ARHGAP17: variants seen among roughly 807,000 people sequenced by gnomAD.
The protein encoded by ARHGAP17 is rho GTPase-activating protein 17.
ARHGAP17 carries 57 observed loss-of-function variants against 99.5 expected under a neutral mutation model. The ratio of observed to expected loss-of-function variants is 0.57; its 90% CI spans 0.46 to 0.71. The LOEUF is 0.71. Among genes scored for constraint, ARHGAP17 ranks in the 30% least tolerant of loss-of-function variants. ARHGAP17 has a pLI of 0.00. For missense variants in ARHGAP17, 1,000 were observed against 1,122.4 expected (o/e 0.89, Z 1.56); for synonymous variants, 417 against 429.6 (o/e 0.97, Z 0.36).
At chr16:24,966,114 T>C (rs185277605) in intron 6 of ARHGAP17, among the ~76,000 whole-genome samples, 2 of 152,364 alleles carry the variant, frequency 1.3e-5, no homozygotes, top group East Asian at 3.9e-4. Context: ...ATTTGCTGCC[T>C]TGTTTAATTA....
intron 19 of ARHGAP17, among the ~76,000 whole-genome samples, chr16:24,924,304 T>C (rs1450849604): frequency 6.6e-6 from 1 of 152,172 alleles, no homozygotes; most frequent in Non-Finnish European, 1.5e-5. Flanking sequence ...AATTTATATA[T>C]TATTTGCATT....
intron 19 of ARHGAP17, among the ~76,000 whole-genome samples, chr16:24,921,957 T>C (rs551828685): frequency 1.1e-3 from 175 of 152,332 alleles, no homozygotes; most frequent in Admixed American, 2.9e-3. Context: ...TTGTTCACAG[T>C]GTATCCTCAG....
chr16:24,933,538 C>T (rs1472325183), intron 18 of ARHGAP17, among the ~76,000 whole-genome samples: 1 of 151,766 alleles, frequency 6.6e-6, no homozygotes, highest in Admixed American at 6.6e-5. Flanking sequence ...TACTCTGCTA[C>T]ACTGGTCTGG....
At position 24,931,020 on chromosome 16, in the gene ARHGAP17, G is replaced by C; in HGVS notation, c.2279C>G (p.Pro760Arg). The change falls in exon 19 of 20, where the codon CCC (proline) becomes CGC (arginine). Residue 760 changes from proline to arginine, a missense_variant. Pro to Arg is a moderately radical substitution (Grantham distance 103). Transcript: ENST00000289968. Reference sequence around the variant, plus strand: ...TTTTCCTAGGGGCGGAGTACTGGGGGGCGTTGGAGTCTGGGGAGGGGTGTG... The same window carrying C: ...TTTTCCTAGGGGCGGAGTACTGGGGCGCGTTGGAGTCTGGGGAGGGGTGTG... ...PSHTPPQTPT[P>R]PSTPPLGKQN... The C allele has an allele frequency of 6.2e-7, 1 of 1,612,882 alleles. No homozygotes were observed. The highest frequency in any genetic ancestry group is 8.5e-7 in the Non-Finnish European group (1 of 1,179,406).
rs973719182 is a variant in ARHGAP17, at chr16:24,919,850, TAC to T, written c.*278_*279del. On this transcript the variant is annotated 3_prime_UTR_variant, in exon 20 of 20. Coordinates refer to ENST00000289968, the MANE Select transcript of ARHGAP17 (RefSeq NM_001006634.3). ...CTTCCTATGCGCGTTTCAGCAGGAA[TAC>T]TCTCTCCACTCCAGGTACTTCTTTG... 5 of 291,574 alleles carry T rather than the reference TAC, an allele frequency of 1.7e-5. No individual in the cohort carries two copies. The highest frequency in any genetic ancestry group is 9.7e-5 in the Admixed American group (2 of 20,702). The allele number at this position is 291,574 out of a possible 1,614,324, so 18.1% of individuals were successfully genotyped here. A position where few individuals can be genotyped will look rare whatever the true frequency, so the allele number is the denominator to read the frequency against.
intron 3 of ARHGAP17, among the ~76,000 whole-genome samples, chr16:24,976,621 C>T (rs1445837649): frequency 2.6e-5 from 4 of 151,658 alleles, no homozygotes; most frequent in Admixed American, 6.6e-5. Flanking sequence ...GAAAAAGAGG[C>T]GAGAGGGGAG....
chr16:24,985,091 G>A (rs1597456563), intron 1 of ARHGAP17, among the ~76,000 whole-genome samples: 1 of 152,196 alleles, frequency 6.6e-6, no homozygotes, highest in East Asian at 1.9e-4. Context: ...AGGACATTTG[G>A]CAATGTCTGG....
chr16:24,928,864 A>C (rs891440217), intron 19 of ARHGAP17, among the ~76,000 whole-genome samples: 1 of 152,272 alleles, frequency 6.6e-6, no homozygotes, highest in Non-Finnish European at 1.5e-5. Flanking sequence ...GCTAGGATGC[A>C]AAGGAATTTA....
rs553914661 is a variant in ARHGAP17, at chr16:25,013,484, G to A, written c.53+1725C>T. Among the ~76,000 whole-genome samples the A allele has an allele frequency of 1.2e-4, 18 of 152,248 alleles. No homozygotes were observed. In the South Asian group the frequency reaches 1.2e-3, roughly 11 times the overall value. On this transcript the variant is annotated intron_variant, in intron 1 of 19. Transcript: ENST00000289968. ...AAAAAATACAAAAATTAGCGGATGT[G>A]GTGGTGCCCACCTGTAGTTCCAACC...
rs1433422564 is a variant in ARHGAP17 at position 24,931,386 on chromosome 16, G to A, written c.1913C>T (p.Pro638Leu). The change falls in exon 19 of 20, where the codon CCA becomes CTA. Residue 638 changes from proline (P) to leucine (L), a missense_variant. Pro to Leu is a moderately conservative substitution (Grantham distance 98). Around this residue, in one of 2 missense-constraint regions of ARHGAP17, gnomAD observed 528 missense variants for 511.4 expected, o/e 1.03. Coordinates refer to ENST00000289968, the MANE Select transcript of ARHGAP17 (RefSeq NM_001006634.3). ...TGGGTTGCCCGGTTTCGGGGGTGCT[G>A]GAGCGGGTTTTTTAACAGCTGCACA... The part of the protein sequence containing the change: ...TLRRAVKKPA[P>L]APPKPGNPPP... The A allele has an allele frequency of 1.3e-6, 2 of 1,509,720 alleles. No homozygotes were observed. Among genetic ancestry groups the A allele is most frequent in the East Asian group, 2.3e-5 (1 of 43,128 alleles). The allele number at this position is 1,509,720 out of a possible 1,614,324, so 93.5% of individuals were successfully genotyped here. A position where few individuals can be genotyped will look rare whatever the true frequency, so the allele number is the denominator to read the frequency against.
intron 7 of ARHGAP17, among the ~76,000 whole-genome samples, chr16:24,961,488 G>A (rs1452284580): frequency 7.8e-6 from 1 of 128,964 alleles, no homozygotes; most frequent in Non-Finnish European, 1.6e-5. Flanking sequence ...AACAGAGCAA[G>A]ATCTAGTCTC....
chr16:25,009,177 C>G (rs2053580209), intron 1 of ARHGAP17, among the ~76,000 whole-genome samples: 1 of 152,180 alleles, frequency 6.6e-6, no homozygotes, highest in South Asian at 2.1e-4. Context: ...ACCAGCCTGG[C>G]CAACATGGCA....
intron 12 of ARHGAP17, among the ~76,000 whole-genome samples, chr16:24,950,694 A>G (rs1362474839): frequency 6.6e-6 from 1 of 152,084 alleles, no homozygotes; most frequent in South Asian, 2.1e-4. Context: ...AAAATTAGCC[A>G]GGCATGGTGG....
chr16:24,978,162 T>C (rs1353965680), intron 2 of ARHGAP17, among the ~76,000 whole-genome samples: 2 of 152,176 alleles, frequency 1.3e-5, no homozygotes, highest in Non-Finnish European at 2.9e-5. Flanking sequence ...CTAATCCACA[T>C]TCATTTGCCA....
At chr16:24,982,984 A>ATATATATATT (rs1555467482) in intron 1 of ARHGAP17, among the ~76,000 whole-genome samples, 62 of 28,008 alleles carry the variant, frequency 2.2e-3, no homozygotes, top group South Asian at 4.7e-3. Context: ...ATATATATAT[A>ATATATATATT]TATATATATA....
rs181365139 is a variant in ARHGAP17 at position 24,924,477 on chromosome 16, G to A, written c.2516-4217C>T. Among the ~76,000 whole-genome samples, 106 of 147,634 alleles carry A rather than the reference G, an allele frequency of 7.2e-4. 1 individual carries two copies. Among genetic ancestry groups the A allele is most frequent in the Non-Finnish European group, 2.1e-4 (14 of 67,150 alleles). ...TTTTTAAATAAAATATCTACTGTAT[G>A]AACTTAGTTCCAAGCAATATCCTCA... On this transcript the variant is annotated intron_variant, in intron 19 of 19. Transcript: ENST00000289968.
chr16:24,957,689 G>A (rs113259507), intron 9 of ARHGAP17, among the ~76,000 whole-genome samples: 2 of 152,176 alleles, frequency 1.3e-5, no homozygotes. Context: ...AGAGGGATTG[G>A]GGGTAGACAC....
At chr16:24,943,441 T>G (rs1371898158) in intron 15 of ARHGAP17, among the ~76,000 whole-genome samples, 1 of 152,248 alleles carries the variant, frequency 6.6e-6, no homozygotes, top group Non-Finnish European at 1.5e-5. Context: ...TGCCTTGTGT[T>G]ATAATTTATC....
At chr16:25,008,137 A>C (rs1274978674) in intron 1 of ARHGAP17, among the ~76,000 whole-genome samples, 1 of 152,244 alleles carries the variant, frequency 6.6e-6, no homozygotes, top group Non-Finnish European at 1.5e-5. Context: ...TATAACTAAA[A>C]GTAAGACAAG....
Sources: allele counts gnomAD v4.1 joint callset (sites outside exome capture counted in the v4.1 genomes callset), GRCh38; gene constraint gnomAD v4.1.1; regional missense constraint gnomAD v4.1.1; transcripts MANE v1.5; gene names NCBI Gene and HGNC (gene_info 2026-07-23, HGNC 2026-07-21).